The following FANCD2OS variants were observed in gnomAD, a reference collection of about 807,000 sequenced individuals.
FANCD2OS encodes FANCD2 opposite strand protein.
FANCD2OS carries 11 observed loss-of-function variants against 13.2 expected under a neutral mutation model. That is an observed-to-expected ratio of 0.83 (90% CI 0.52 to 1.38). The LOEUF (loss-of-function observed/expected upper bound fraction) is 1.38, where lower values mean the gene tolerates loss of function less well. Among genes scored for constraint, FANCD2OS ranks in the 40% most tolerant of loss-of-function variants. The pLI is 0.00. For missense variants in FANCD2OS, 217 were observed against 213.9 expected, an observed-to-expected ratio of 1.01 and a Z score of -0.09; for synonymous variants, 69 against 84.5, an observed-to-expected ratio of 0.82 and a Z score of 1.01.
chr3:10,100,763 A>G (rs139954082), downstream of FANCD2OS, among the ~76,000 whole-genome samples: 1 of 152,256 alleles, frequency 6.6e-6, no homozygotes, highest in East Asian at 1.9e-4. Flanking sequence ...GGAGGACCAT[A>G]GCTTATTTAA....
At chr3:10,098,386 G>GA (rs1474712338), downstream of FANCD2OS, among the ~76,000 whole-genome samples, 3 of 152,108 alleles carry the variant, frequency 2.0e-5, no homozygotes, top group Non-Finnish European at 4.4e-5. Context: ...ATAGTGCTTA[G>GA]ATACCTTAAG....
chr3:10,101,508 C>T (rs1695299836), downstream of FANCD2OS: 1 of 471,118 alleles, frequency 2.1e-6, no homozygotes, highest in African/African-American at 2.0e-5. Flanking sequence ...GCCTCAGCCT[C>T]CTGAGTAGCT....
At chr3:10,101,950 A>G (rs1053637764), downstream of FANCD2OS, 35 of 178,860 alleles carry the variant, frequency 2.0e-4, no homozygotes, top group Non-Finnish European at 6.0e-5. Flanking sequence ...TGCCTCATTT[A>G]TCTTTCTGGA....
At chr3:10,095,343 C>T in intron 2 of FANCD2OS, 1 of 1,175,096 alleles carries the variant, frequency 8.5e-7, no homozygotes, top group Non-Finnish European at 1.3e-6. Flanking sequence ...ATTGGGGGAT[C>T]CATGGGCTAC....
intron 2 of FANCD2OS, chr3:10,093,181 A>T: frequency 2.5e-6 from 2 of 815,954 alleles, no homozygotes; most frequent in Middle Eastern, 4.9e-4. Context: ...TCCATTTTAG[A>T]ATTCTCTGCA....
intron 2 of FANCD2OS, among the ~76,000 whole-genome samples, chr3:10,096,002 C>A (rs1468983145): frequency 6.6e-6 from 1 of 150,614 alleles, no homozygotes; most frequent in Non-Finnish European, 1.5e-5. Flanking sequence ...TTAAGGAATT[C>A]TCTTAGCTAA....
intron 2 of FANCD2OS, among the ~76,000 whole-genome samples, chr3:10,091,273 G>A (rs1272746399): frequency 6.6e-6 from 1 of 151,618 alleles, no homozygotes; most frequent in Non-Finnish European, 1.5e-5. Flanking sequence ...TAGAGGCGGG[G>A]TTTTGTCGTG....
chr3:10,090,410 A>G (rs746017476), intron 2 of FANCD2OS: 1 of 1,408,020 alleles, frequency 7.1e-7, no homozygotes, highest in Admixed American at 1.7e-5. Flanking sequence ...AGTCACTTCA[A>G]GAAGTGGACT....
intron 2 of FANCD2OS, chr3:10,092,139 T>G: frequency 7.7e-7 from 1 of 1,290,696 alleles, no homozygotes; most frequent in East Asian, 2.3e-5. Flanking sequence ...AGGGAAGTAT[T>G]TGGCTGTGAC....
At chr3:10,086,450 G>A (rs935203366) in intron 2 of FANCD2OS, among the ~76,000 whole-genome samples, 3 of 152,090 alleles carry the variant, frequency 2.0e-5, no homozygotes, top group African/African-American at 7.2e-5. Context: ...TGGGTCAGCA[G>A]TCAGTGCTTA....
downstream of FANCD2OS, among the ~76,000 whole-genome samples, chr3:10,102,582 T>G (rs1374329698): frequency 6.6e-6 from 1 of 151,534 alleles, no homozygotes; most frequent in African/African-American, 2.4e-5. Flanking sequence ...CCCAGCACTT[T>G]GGGAGGCTGA....
chr3:10,087,679 G>C (rs746529366), intron 2 of FANCD2OS, among the ~76,000 whole-genome samples: 9 of 151,538 alleles, frequency 5.9e-5, no homozygotes, highest in East Asian at 3.9e-4. Context: ...ACAGAGTCTC[G>C]TTCTGTCACC....
rs939115026 is a variant in FANCD2OS at position 10,104,501 on chromosome 3, G to T, written c.274C>A (p.Gln92Lys). The T allele has an allele frequency of 6.2e-7, 1 of 1,614,176 alleles. No individual in the cohort carries two copies. The highest frequency in any genetic ancestry group is 1.1e-5 in the South Asian group (1 of 91,086). ...MNNKGLVRKP[Q>K]PIRLSGVDSV... ...TCTACTCCACTGAGGCGGATGGGCTGGGGCTTCCTGACCAGTCCTTTGTTG... is the reference window on the plus strand; with the variant it reads ...TCTACTCCACTGAGGCGGATGGGCTTGGGCTTCCTGACCAGTCCTTTGTTG... The change falls in exon 2 of 2, where the codon CAG becomes AAG. Residue 92 changes from glutamine (Q) to lysine (K), a missense_variant. Transcript: ENST00000450660.
chr3:10,090,749 C>T (rs573953089), intron 2 of FANCD2OS, among the ~76,000 whole-genome samples: 8 of 152,344 alleles, frequency 5.3e-5, no homozygotes, highest in African/African-American at 1.4e-4. Context: ...TGCGCCACTG[C>T]GCCCGGTGGT....
chr3:10,082,426 C>T (rs1693899173), intron 2 of FANCD2OS, among the ~76,000 whole-genome samples: 1 of 152,182 alleles, frequency 6.6e-6, no homozygotes, highest in Non-Finnish European at 1.5e-5. Flanking sequence ...ATCTTCCTAA[C>T]ATAAACCCAG....
chr3:10,095,540 T>G (rs1326722687), intron 2 of FANCD2OS, among the ~76,000 whole-genome samples: 1 of 152,230 alleles, frequency 6.6e-6, no homozygotes, highest in Non-Finnish European at 1.5e-5. Flanking sequence ...AATGCTGGTA[T>G]ATGTTTACTT....
At chr3:10,098,707 C>T (rs755767180), downstream of FANCD2OS, 84 of 1,613,828 alleles carry the variant, frequency 5.2e-5, no homozygotes, top group Admixed American at 5.0e-5. Context: ...TTTCTTGGTC[C>T]ATTCACATTT....
downstream of FANCD2OS, among the ~76,000 whole-genome samples, chr3:10,102,167 G>A (rs1309253901): frequency 1.4e-5 from 2 of 141,654 alleles, no homozygotes; most frequent in South Asian, 2.2e-4. Flanking sequence ...TTTTTGAAAC[G>A]GAGTCTCACT....
intron 2 of FANCD2OS, chr3:10,092,353 C>T: frequency 1.1e-6 from 1 of 894,558 alleles, no homozygotes; most frequent in East Asian, 2.4e-5. Context: ...CCCACTCTTC[C>T]TTGGGGCCTG....
Sources: gnomAD v4.1 joint callset for allele counts (sites outside exome capture counted in the v4.1 genomes callset) on GRCh38, gnomAD v4.1.1 for gene constraint, MANE v1.5 for transcripts, NCBI Gene and HGNC (gene_info 2026-07-23, HGNC 2026-07-21) for gene names.